The following SLC71A1 variants were observed in gnomAD, a reference collection of about 807,000 sequenced individuals.
The protein encoded by SLC71A1 is hippocampus abundant gene transcript 1.
the SLC71A1 span, chr1:100,068,474 C>A: frequency 4.4e-6 from 7 of 1,598,612 alleles, no homozygotes; most frequent in East Asian, 2.2e-5. Flanking sequence ...TTGTTCTAGT[C>A]CTTAAAAAAA....
At chr1:100,063,244 G>A in the SLC71A1 span, among the ~76,000 whole-genome samples, 2 of 151,442 alleles carry the variant, frequency 1.3e-5, no homozygotes, top group Non-Finnish European at 2.9e-5. Context: ...GAGGTTCTGT[G>A]TATTAAGCCA....
the SLC71A1 span, chr1:100,049,844 T>G: frequency 5.1e-6 from 4 of 783,876 alleles, no homozygotes; most frequent in African/African-American, 5.3e-5. Flanking sequence ...TCGTTGTTAT[T>G]GTTAATAATT....
the SLC71A1 span, among the ~76,000 whole-genome samples, chr1:100,076,463 G>A: frequency 2.8e-4 from 43 of 152,234 alleles, no homozygotes; most frequent in African/African-American, 9.4e-4. Flanking sequence ...TTTATTAACC[G>A]CTGATTATTG....
chr1:100,061,277 T>A, the SLC71A1 span, among the ~76,000 whole-genome samples: 1 of 152,250 alleles, frequency 6.6e-6, no homozygotes. Flanking sequence ...CTGTTTATAG[T>A]AACTGTCTAT....
the SLC71A1 span, among the ~76,000 whole-genome samples, chr1:100,066,051 T>C: frequency 2.0e-5 from 3 of 152,212 alleles, no homozygotes; most frequent in African/African-American, 7.2e-5. Context: ...GCTAGAAATG[T>C]CTGCGGTTAA....
the SLC71A1 span, among the ~76,000 whole-genome samples, chr1:100,057,773 A>G: frequency 1.3e-5 from 2 of 152,194 alleles, no homozygotes; most frequent in Non-Finnish European, 2.9e-5. Flanking sequence ...TTCTTGCAAC[A>G]TGTCAGAAAG....
chr1:100,039,137 AAAAAC>A, the SLC71A1 span, among the ~76,000 whole-genome samples: 959 of 152,320 alleles, frequency 6.3e-3, 15 homozygotes, highest in African/African-American at 0.022. Flanking sequence ...TTTTTAATTG[AAAAAC>A]AAAACAAAAC....
chr1:100,038,448 C>T, the SLC71A1 span: 489 of 764,518 alleles, frequency 6.4e-4, 5 homozygotes, highest in African/African-American at 7.9e-3. Flanking sequence ...GCTGCCGGTG[C>T]CTCGGGGTCG....
the SLC71A1 span, among the ~76,000 whole-genome samples, chr1:100,076,226 T>G: frequency 2.6e-5 from 4 of 152,232 alleles, no homozygotes; most frequent in African/African-American, 9.6e-5. Flanking sequence ...TTTAAAGAAT[T>G]CAAAACTTAT....
the SLC71A1 span, among the ~76,000 whole-genome samples, chr1:100,050,399 G>T: frequency 1.3e-5 from 2 of 152,138 alleles, no homozygotes; most frequent in Non-Finnish European, 2.9e-5. Flanking sequence ...TTTGGGCTAA[G>T]TACCTAGAAG....
At chr1:100,078,336 C>A in the SLC71A1 span, 2 of 665,248 alleles carry the variant, frequency 3.0e-6, no homozygotes, top group South Asian at 2.1e-5. Context: ...TAAGCAAGTT[C>A]AGTTCTCCTT....
chr1:100,078,500 CCTGCTGTCAGTGCACTTGTTTCACGAA>C, the SLC71A1 span: 1 of 1,613,724 alleles, frequency 6.2e-7, no homozygotes, highest in Non-Finnish European at 8.5e-7. Context: ...CATCACCTTT[CCTGCTGTCAGTGCACTTGTTTCACGAA>C]CTGCTGATGC....
At chr1:100,082,047 A>G in the SLC71A1 span, 10 of 1,613,670 alleles carry the variant, frequency 6.2e-6, no homozygotes, top group African/African-American at 1.1e-4. Flanking sequence ...GAGCCTGTTC[A>G]GTACTGCTGG....
the SLC71A1 span, among the ~76,000 whole-genome samples, chr1:100,042,502 G>C: frequency 6.7e-3 from 1,024 of 152,220 alleles, 21 homozygotes; most frequent in Admixed American, 0.044. Context: ...TGGCAGGAAA[G>C]CTCTCTGGGA....
At chr1:100,066,975 C>G in the SLC71A1 span, among the ~76,000 whole-genome samples, 2 of 114,296 alleles carry the variant, frequency 1.7e-5, no homozygotes. Context: ...GGCGACAGAG[C>G]GAGACTCCGT....
At chr1:100,071,241 C>T in the SLC71A1 span, among the ~76,000 whole-genome samples, 1 of 144,032 alleles carries the variant, frequency 6.9e-6, no homozygotes, top group East Asian at 2.0e-4. Flanking sequence ...CGCTTGAGCC[C>T]AGGAGTTCAA....
the SLC71A1 span, among the ~76,000 whole-genome samples, chr1:100,048,886 G>C: frequency 3.3e-5 from 5 of 152,194 alleles, no homozygotes; most frequent in South Asian, 2.1e-4. Context: ...TGAGCCTCGT[G>C]GGGGGAAGTG....
At chr1:100,044,768 T>G in the SLC71A1 span, among the ~76,000 whole-genome samples, 1 of 152,190 alleles carries the variant, frequency 6.6e-6, no homozygotes, top group Non-Finnish European at 1.5e-5. Flanking sequence ...TCCACCCGCC[T>G]TGGCCTCCCA....
the SLC71A1 span, chr1:100,077,218 A>C: frequency 1.3e-6 from 2 of 1,593,068 alleles, no homozygotes; most frequent in Non-Finnish European, 1.7e-6. Context: ...ACACCATTTT[A>C]CTGGGTCTAG....
Sources: gnomAD v4.1 joint callset for allele counts (sites outside exome capture counted in the v4.1 genomes callset) on GRCh38, gnomAD v4.1.1 for gene constraint, MANE v1.5 for transcripts, NCBI Gene and HGNC (gene_info 2026-07-23, HGNC 2026-07-21) for gene names.